The following DMD variants were observed in gnomAD, a reference collection of about 807,000 sequenced individuals.
DMD encodes mutant dystrophin.
A neutral mutation model predicts 330.1 loss-of-function variants in DMD; 63 were observed. The ratio of observed to expected loss-of-function variants is 0.19; its 90% CI spans 0.16 to 0.24. The LOEUF (loss-of-function observed/expected upper bound fraction) is 0.24, where lower values mean the gene tolerates loss of function less well. Among genes scored for constraint, DMD ranks in the 10% least tolerant of loss-of-function variants. The pLI is 1.00. For synonymous variants in DMD, 1,223 were observed against 959.8 expected (o/e 1.27, Z -5.07); for missense variants, 3,344 against 2,684.1 (o/e 1.25, Z -5.43).
At position 32,370,925 on chromosome X, in the gene DMD, G is replaced by A. The variant is rs147347564; in HGVS notation, c.4846-5726C>T. ...GCTCTCGTCAGACAGCTTGAAATTC[G>A]CGGATCTTGTATCACATTATCTAGT... On this transcript the variant is annotated intron_variant, in intron 34 of 78. Coordinates refer to ENST00000357033, the MANE Select transcript of DMD (RefSeq NM_004006.3). Among the ~76,000 whole-genome samples, 1,041 of 110,838 alleles carry A rather than the reference G, an allele frequency of 9.4e-3. 16 individuals carry two copies. Among genetic ancestry groups the A allele is most frequent in the African/African-American group, 0.032 (972 of 30,557 alleles).
chrX:33,008,415 G>C (rs1162381175), intron 2 of DMD, among the ~76,000 whole-genome samples: 1 of 110,711 alleles, frequency 9.0e-6, no homozygotes, highest in African/African-American at 3.3e-5. Context: ...AGGAATCTTG[G>C]TAAGGTTAAA....
At chrX:31,484,788 C>A (rs1217389759) in intron 57 of DMD, among the ~76,000 whole-genome samples, 1 of 111,952 alleles carries the variant, frequency 8.9e-6, no homozygotes, top group Non-Finnish European at 1.9e-5. Context: ...TGTTGACTCA[C>A]TAATTTGTTC....
chrX:31,122,834 G>GGTACTTC (rs1173757027), intron 78 of DMD, among the ~76,000 whole-genome samples: 3 of 111,537 alleles, frequency 2.7e-5, no homozygotes, highest in African/African-American at 9.8e-5. Flanking sequence ...AATGTCCCTG[G>GGTACTTC]GTACTTCGTA....
intron 60 of DMD, among the ~76,000 whole-genome samples, chrX:31,371,893 T>C (rs1266777081): frequency 8.9e-6 from 1 of 112,499 alleles, no homozygotes; most frequent in Non-Finnish European, 1.9e-5. Flanking sequence ...ACCTCGTTTC[T>C]CAACTGAGAG....
At chrX:32,744,522 T>C (rs1475517175) in intron 7 of DMD, among the ~76,000 whole-genome samples, 1 of 111,582 alleles carries the variant, frequency 9.0e-6, no homozygotes, top group East Asian at 2.8e-4. Context: ...CATGGTGGCC[T>C]AGTAGACATT....
chrX:32,062,679 T>C (rs1307729206), intron 44 of DMD, among the ~76,000 whole-genome samples: 1 of 111,319 alleles, frequency 9.0e-6, no homozygotes, highest in Admixed American at 9.6e-5. Context: ...TTAGAATAAA[T>C]GGAAGTTTTA....
intron 2 of DMD, among the ~76,000 whole-genome samples, chrX:32,923,603 T>A (rs2088670755): frequency 9.0e-6 from 1 of 111,239 alleles, no homozygotes; most frequent in Non-Finnish European, 1.9e-5. Flanking sequence ...TATCTATGCT[T>A]TGCTATAGGT....
At chrX:33,212,393 A>G (rs189573977), upstream of DMD, among the ~76,000 whole-genome samples, 227 of 112,086 alleles carry the variant, frequency 2.0e-3, no homozygotes, top group South Asian at 5.5e-3. Flanking sequence ...ATTCTTTGCC[A>G]ATAGAAAGCT....
intron 12 of DMD, among the ~76,000 whole-genome samples, chrX:32,603,498 G>A (rs1284024077): frequency 9.1e-6 from 1 of 110,059 alleles, no homozygotes; most frequent in Non-Finnish European, 1.9e-5. Context: ...CAGAATATAA[G>A]AAATAACAAT....
chrX:31,509,778 G>A (rs2071307696), intron 55 of DMD, among the ~76,000 whole-genome samples: 1 of 112,030 alleles, frequency 8.9e-6, no homozygotes, highest in Non-Finnish European at 1.9e-5. Flanking sequence ...ATATAAAATT[G>A]ATAAACAAGC....
chrX:32,832,209 T>A (rs946284527), intron 4 of DMD, among the ~76,000 whole-genome samples: 1 of 111,558 alleles, frequency 9.0e-6, no homozygotes, highest in African/African-American at 3.3e-5. Context: ...TTGGTGATTT[T>A]AACTAGATAT....
chrX:31,922,709 T>C (rs2094711651), intron 47 of DMD, among the ~76,000 whole-genome samples: 1 of 111,702 alleles, frequency 9.0e-6, no homozygotes, highest in Admixed American at 9.5e-5. Flanking sequence ...AGTCTTCTTC[T>C]GTGTTGACGA....
At chrX:32,724,345 T>C (rs1290119407) in intron 7 of DMD, among the ~76,000 whole-genome samples, 1 of 111,888 alleles carries the variant, frequency 8.9e-6, no homozygotes, top group East Asian at 2.8e-4. Flanking sequence ...TGTTCAGTTC[T>C]TATCATTTTC....
chrX:31,619,746 T>C (rs2046573884), intron 55 of DMD, among the ~76,000 whole-genome samples: 1 of 112,301 alleles, frequency 8.9e-6, no homozygotes, highest in African/African-American at 3.2e-5. Flanking sequence ...TGTATCATTC[T>C]AGATAATTGT....
chrX:31,252,461 C>G (rs941716281), intron 63 of DMD, among the ~76,000 whole-genome samples: 1 of 111,768 alleles, frequency 8.9e-6, no homozygotes, highest in African/African-American at 3.3e-5. Context: ...CAAATCAAGT[C>G]TTGAGTCTCA....
chrX:32,868,342 G>A (rs1325571295), intron 2 of DMD, among the ~76,000 whole-genome samples: 2 of 111,552 alleles, frequency 1.8e-5, no homozygotes, highest in African/African-American at 3.3e-5. Context: ...AGTTTCCGGG[G>A]GCGGGGGCGG....
chrX:31,718,314 G>A (rs1323611403), intron 52 of DMD, among the ~76,000 whole-genome samples: 2 of 110,767 alleles, frequency 1.8e-5, no homozygotes, highest in African/African-American at 6.6e-5. Flanking sequence ...ACCAATATTC[G>A]TGCACCCATT....
chrX:31,894,721 C>T (rs2094307458), intron 47 of DMD, among the ~76,000 whole-genome samples: 3 of 111,939 alleles, frequency 2.7e-5, no homozygotes, highest in Admixed American at 9.5e-5. Flanking sequence ...ATTAGACAGA[C>T]ATTTTAATTT....
chrX:32,289,821 C>T (rs912007395), intron 42 of DMD, among the ~76,000 whole-genome samples: 5 of 111,664 alleles, frequency 4.5e-5, no homozygotes, highest in African/African-American at 1.6e-4. Flanking sequence ...TCCCAGAAAA[C>T]TCATGAATAA....
Sources: gnomAD v4.1 joint callset for allele counts (sites outside exome capture counted in the v4.1 genomes callset) on GRCh38, gnomAD v4.1.1 for gene constraint, MANE v1.5 for transcripts, NCBI Gene and HGNC (gene_info 2026-07-23, HGNC 2026-07-21) for gene names.